The following OTOGL variants were observed in gnomAD, a reference collection of about 807,000 sequenced individuals.
OTOGL encodes otogelin like, also known as otogelin-like protein.
In OTOGL, 285 loss-of-function variants were observed where a neutral mutation model predicts 318.5. That is an observed-to-expected ratio of 0.89 (90% CI 0.81 to 0.99). OTOGL has a LOEUF of 0.99. Among genes scored for constraint, OTOGL ranks in the 50% least tolerant of loss-of-function variants. The pLI, the probability that OTOGL is intolerant of heterozygous loss-of-function variation, is 0.00. For missense variants in OTOGL, 2,899 were observed against 2,845.6 expected (o/e 1.02, Z -0.43); for synonymous variants, 987 against 936.5 (o/e 1.05, Z -0.99).
At chr12:80,180,349 G>A (rs922502454) in intron 1 of OTOGL, among the ~76,000 whole-genome samples, 1 of 152,106 alleles carries the variant, frequency 6.6e-6, no homozygotes, top group African/African-American at 2.4e-5. Context: ...CTAGTATGTG[G>A]CAAGTGACTT....
Position 80,336,148 on chromosome 12 carries a change from T to C in OTOGL, c.4600+8T>C. 6.4e-7 allele frequency: 1 copy of C among 1,570,154 alleles called. No homozygotes were observed. The highest frequency in any genetic ancestry group is 8.5e-7 in the Non-Finnish European group (1 of 1,170,206). ...CTGAGTGGGAATGTCCTTGTAAGTT[T>C]GCATTTCTTAAGCGGTGATCTTTTT... is the stretch of plus-strand genomic sequence containing the variant. On this transcript the variant is annotated splice_region_variant and intron_variant, in intron 39 of 58. Coordinates refer to ENST00000547103, the MANE Select transcript of OTOGL (RefSeq NM_001378609.3).
intron 1 of OTOGL, among the ~76,000 whole-genome samples, chr12:80,197,575 A>G (rs1017167543): frequency 1.3e-5 from 2 of 152,244 alleles, no homozygotes; most frequent in Admixed American, 6.5e-5. Context: ...AAATCTGTCT[A>G]TGAATCCCTG....
At chr12:80,103,178 G>A (rs1287221295) in intron 1 of OTOGL, 107 of 1,350,608 alleles carry the variant, frequency 7.9e-5, no homozygotes, top group South Asian at 4.0e-4. Flanking sequence ...GAACTTCATC[G>A]TCCTTTCGGA....
chr12:80,332,930 A>T, intron 37 of OTOGL, 75 bp from the exon 38 acceptor site: 1 of 1,222,814 alleles, frequency 8.2e-7, no homozygotes, highest in Admixed American at 2.1e-5. Flanking sequence ...TTCTTAGCAC[A>T]GTTTCTGTCA....
chr12:80,138,635 G>A (rs189604412), intron 1 of OTOGL, among the ~76,000 whole-genome samples: 64 of 152,160 alleles, frequency 4.2e-4, no homozygotes, highest in African/African-American at 1.3e-3. Context: ...TTCCAACACT[G>A]AAAGCCAATA....
chr12:80,101,955 T>C (rs1869163480), intron 1 of OTOGL, among the ~76,000 whole-genome samples: 2 of 152,288 alleles, frequency 1.3e-5, no homozygotes, highest in South Asian at 4.1e-4. Flanking sequence ...GAGTGTTTGG[T>C]CTCCAAGGAT....
intron 1 of OTOGL, among the ~76,000 whole-genome samples, chr12:80,187,559 T>C (rs921462617): frequency 6.6e-6 from 1 of 152,216 alleles, no homozygotes; most frequent in Non-Finnish European, 1.5e-5. Context: ...TATAAAGTTA[T>C]AACCACATCT....
chr12:80,171,785 T>C (rs1379895757), intron 1 of OTOGL, among the ~76,000 whole-genome samples: 1 of 152,202 alleles, frequency 6.6e-6, no homozygotes, highest in East Asian at 1.9e-4. Context: ...TTCTAGTCCA[T>C]GAACACTAGA....
chr12:80,317,262 A>G (rs1297090540), intron 32 of OTOGL, among the ~76,000 whole-genome samples: 1 of 152,188 alleles, frequency 6.6e-6, no homozygotes, highest in African/African-American at 2.4e-5. Context: ...GATTGCTTTC[A>G]GTAGATGGTG....
rs1401368525 is a variant in OTOGL at position 80,270,096 on chromosome 12, T to C, written c.2466-6T>C. ...TTCCATAAATTAACTATTTATTTACTTCTAGCCAGTGTTCAAATGGGACTG... is the reference window on the plus strand; with the variant it reads ...TTCCATAAATTAACTATTTATTTACCTCTAGCCAGTGTTCAAATGGGACTG... On this transcript the variant is annotated splice_region_variant and splice_polypyrimidine_tract_variant and intron_variant, in intron 22 of 58. Transcript: ENST00000547103. The C allele has an allele frequency of 1.3e-6, 2 of 1,592,446 alleles. No individual in the cohort carries two copies. The highest frequency in any genetic ancestry group is 1.7e-6 in the Non-Finnish European group (2 of 1,162,408).
intron 1 of OTOGL, among the ~76,000 whole-genome samples, chr12:80,137,356 C>A (rs1246472025): frequency 6.6e-6 from 1 of 152,028 alleles, no homozygotes; most frequent in African/African-American, 2.4e-5. Context: ...ATTGTGAACA[C>A]TTATTTTCTG....
At chr12:80,285,966 G>A (rs1235251185) in intron 26 of OTOGL, among the ~76,000 whole-genome samples, 3 of 152,154 alleles carry the variant, frequency 2.0e-5, no homozygotes, top group Non-Finnish European at 4.4e-5. Context: ...CAAAGGGAAT[G>A]CTTCCAGTTT....
In OTOGL at chr12:80,192,857, C is replaced by T. The variant is rs116606781; in HGVS notation, c.-19-16556C>T. Among the ~76,000 whole-genome samples the T allele has an allele frequency of 4.8e-3, 728 of 151,936 alleles. 7 individuals carry two copies. The highest frequency in any genetic ancestry group is 0.017 in the African/African-American group (688 of 41,450). ...TCATAAAAATCCCAGAAGTAAGTACCGTGAGTATATAGTATGTACCCAAAT... is the reference window on the plus strand; with the variant it reads ...TCATAAAAATCCCAGAAGTAAGTACTGTGAGTATATAGTATGTACCCAAAT... On this transcript the variant is annotated intron_variant, in intron 1 of 58. Coordinates refer to ENST00000547103, the MANE Select transcript of OTOGL (RefSeq NM_001378609.3).
chr12:80,229,519 T>C, intron 8 of OTOGL, 141 bp downstream of exon 8: 1 of 1,205,936 alleles, frequency 8.3e-7, no homozygotes, highest in Admixed American at 2.5e-5. Context: ...CATACAGACA[T>C]CAAAACTTCG....
intron 8 of OTOGL, among the ~76,000 whole-genome samples, chr12:80,229,605 A>G (rs1193399593): frequency 6.6e-6 from 1 of 151,990 alleles, no homozygotes; most frequent in Non-Finnish European, 1.5e-5. Flanking sequence ...CAGAATATAA[A>G]CATAGTATGT....
At chr12:80,275,032 A>C (rs12299613) in intron 24 of OTOGL, among the ~76,000 whole-genome samples, 1 of 151,854 alleles carries the variant, frequency 6.6e-6, no homozygotes, top group South Asian at 2.1e-4. Flanking sequence ...TGTTGTTTTC[A>C]TGCTTGCTAA....
At chr12:80,347,305 AC>A (rs36014360) in intron 44 of OTOGL, among the ~76,000 whole-genome samples, 2 of 149,132 alleles carry the variant, frequency 1.3e-5, no homozygotes, top group Admixed American at 1.3e-4. Context: ...CTAGTCCCCC[AC>A]CCCCCGACGG....
chr12:80,146,868 G>A (rs1177171385), intron 1 of OTOGL, among the ~76,000 whole-genome samples: 1 of 152,086 alleles, frequency 6.6e-6, no homozygotes, highest in Admixed American at 6.5e-5. Context: ...AGTATTCTCT[G>A]ATGGTAGTTT....
chr12:80,175,733 G>T (rs1874485049), intron 1 of OTOGL, among the ~76,000 whole-genome samples: 1 of 152,128 alleles, frequency 6.6e-6, no homozygotes, highest in South Asian at 2.1e-4. Flanking sequence ...GCCTGGTGAT[G>T]AAACCAGTAT....
Sources: allele counts gnomAD v4.1 joint callset (sites outside exome capture counted in the v4.1 genomes callset), GRCh38; gene constraint gnomAD v4.1.1; transcripts MANE v1.5; gene names NCBI Gene and HGNC (gene_info 2026-07-23, HGNC 2026-07-21).